Variants in PLEKHG1 observed in about 807,000 individuals in gnomAD.
PLEKHG1 encodes the protein pleckstrin homology domain-containing family G member 1.
Under a neutral mutation model 100.8 loss-of-function variants are expected in PLEKHG1, and 44 were observed. That is an observed-to-expected ratio of 0.44 (90% CI 0.34 to 0.56). The LOEUF (loss-of-function observed/expected upper bound fraction) is 0.56, where lower values mean the gene tolerates loss of function less well. Ranked by LOEUF, PLEKHG1 falls within the 20% of genes least tolerant of loss-of-function variation. PLEKHG1 has a pLI of 0.01. For synonymous variants in PLEKHG1, 640 were observed against 662.5 expected, an observed-to-expected ratio of 0.97 and a Z score of 0.52; for missense variants, 1,545 against 1,720.9, an observed-to-expected ratio of 0.90 and a Z score of 1.81.
chr6:150,662,352 TC>T (rs1225312965), intron 3 of PLEKHG1: 1 of 152,246 alleles, frequency 6.6e-6, no homozygotes, highest in Non-Finnish European at 1.5e-5. Flanking sequence ...GAACAGATTT[TC>T]CTGTAGAAAT....
At chr6:150,835,782 G>C (rs1050385649) in intron 15 of PLEKHG1, among the ~76,000 whole-genome samples, 3 of 152,134 alleles carry the variant, frequency 2.0e-5, no homozygotes, top group Non-Finnish European at 4.4e-5. Context: ...GACTCTCTTA[G>C]AAGGTCAAGC....
intron 3 of PLEKHG1, among the ~76,000 whole-genome samples, chr6:150,701,192 C>T (rs766487141): frequency 4.0e-5 from 6 of 150,028 alleles, no homozygotes; most frequent in East Asian, 2.0e-4. Context: ...TGGTGGTGGG[C>T]GCCAATAATC....
At chr6:150,840,611 G>T (rs1363209824) in exon 16 of PLEKHG1, 6 of 1,614,238 alleles carry the variant, frequency 3.7e-6, no homozygotes, top group Non-Finnish European at 5.1e-6. Flanking sequence ...ATGAGTCGGA[G>T]TTGGAGCTAT....
At chr6:150,748,404 A>G (rs1456317823) in intron 2 of PLEKHG1, among the ~76,000 whole-genome samples, 7 of 145,270 alleles carry the variant, frequency 4.8e-5, no homozygotes, top group African/African-American at 1.9e-4. Context: ...AAGAGTAAGG[A>G]GTGTTTTATT....
At chr6:150,715,497 T>A (rs548157516) in intron 3 of PLEKHG1, among the ~76,000 whole-genome samples, 4 of 150,652 alleles carry the variant, frequency 2.7e-5, no homozygotes, top group African/African-American at 9.7e-5. Context: ...TTTCTTTTTT[T>A]TTTTTTTTGA....
At chr6:150,676,852 G>A (rs1779772052) in intron 3 of PLEKHG1, among the ~76,000 whole-genome samples, 1 of 152,006 alleles carries the variant, frequency 6.6e-6, no homozygotes, top group African/African-American at 2.4e-5. Context: ...GCATACCCTG[G>A]GAGTGAATGG....
At chr6:150,613,534 T>C (rs1278424127) in intron 1 of PLEKHG1, among the ~76,000 whole-genome samples, 2 of 152,214 alleles carry the variant, frequency 1.3e-5, no homozygotes, top group African/African-American at 4.8e-5. Context: ...GATTCTGTGA[T>C]ACCAAGTTCT....
At chr6:150,815,571 G>A (rs1399897013) in intron 10 of PLEKHG1, among the ~76,000 whole-genome samples, 1 of 152,158 alleles carries the variant, frequency 6.6e-6, no homozygotes, top group Non-Finnish European at 1.5e-5. Context: ...ATTTGTGTTT[G>A]CAAGTAATTT....
chr6:150,703,666 A>AT (rs201445356), intron 3 of PLEKHG1, among the ~76,000 whole-genome samples: 6,406 of 152,140 alleles, frequency 0.042, 441 homozygotes, highest in African/African-American at 0.15. Context: ...ATTAAAAAAA[A>AT]TCAGTCTAGA....
At chr6:150,745,694 A>G (rs1209308268) in intron 2 of PLEKHG1, among the ~76,000 whole-genome samples, 1 of 152,014 alleles carries the variant, frequency 6.6e-6, no homozygotes, top group African/African-American at 2.4e-5. Context: ...AAAAAAAAAA[A>G]AAAGCAAAAT....
At chr6:150,634,356 C>CT (rs1415443208) in intron 1 of PLEKHG1, among the ~76,000 whole-genome samples, 2 of 151,620 alleles carry the variant, frequency 1.3e-5, no homozygotes. Flanking sequence ...AATATGTGGC[C>CT]TAGGGTAGGC....
chr6:150,692,237 AT>A (rs1415083376), intron 3 of PLEKHG1, among the ~76,000 whole-genome samples: 2 of 152,216 alleles, frequency 1.3e-5, no homozygotes, highest in African/African-American at 4.8e-5. Flanking sequence ...AAATTAACCC[AT>A]TTTATAAATA....
intron 3 of PLEKHG1, among the ~76,000 whole-genome samples, chr6:150,678,188 G>A (rs1236271481): frequency 1.4e-5 from 2 of 147,980 alleles, no homozygotes; most frequent in African/African-American, 5.0e-5. Flanking sequence ...TCTACAATAC[G>A]TTACCATTAA....
At chr6:150,610,109 C>T (rs1776759224) in intron 1 of PLEKHG1, among the ~76,000 whole-genome samples, 1 of 151,930 alleles carries the variant, frequency 6.6e-6, no homozygotes, top group Non-Finnish European at 1.5e-5. Flanking sequence ...TCCTTCTTTC[C>T]TTCTTTCTTT....
exon 2 of PLEKHG1, chr6:150,734,020 T>C (rs1782433898): frequency 6.2e-7 from 1 of 1,614,146 alleles, no homozygotes. Context: ...AGCTCCTCTA[T>C]GTGGATAGAG....
rs189779314 is a variant in PLEKHG1, at chr6:150,732,025, G to T, written c.-98-1559G>T. Among the ~76,000 whole-genome samples, 1,244 of 148,688 alleles carry T rather than the reference G, an allele frequency of 8.4e-3. 24 individuals carry two copies. The highest frequency in any genetic ancestry group is 0.029 in the African/African-American group (1,184 of 40,596). On this transcript the variant is annotated intron_variant, in intron 1 of 15. Transcript: ENST00000358517. ...CGCCCAGTCTGGAGTGCAGTGGCGC[G>T]ATCTCGGCTCACTGCAAGCTCCGCC...
exon 16 of PLEKHG1, chr6:150,840,240 C>G: frequency 6.2e-7 from 1 of 1,614,146 alleles, no homozygotes; most frequent in South Asian, 1.1e-5. Context: ...CTCCTTGGGT[C>G]GGAAAGGGAT....
intron 2 of PLEKHG1, among the ~76,000 whole-genome samples, chr6:150,641,348 A>G (rs1301333990): frequency 2.0e-5 from 3 of 152,218 alleles, no homozygotes; most frequent in African/African-American, 7.2e-5. Flanking sequence ...TGATCTGTGA[A>G]GTTCAGACTC....
At chr6:150,641,590 A>G (rs1161277346) in intron 2 of PLEKHG1, among the ~76,000 whole-genome samples, 1 of 152,214 alleles carries the variant, frequency 6.6e-6, no homozygotes, top group Non-Finnish European at 1.5e-5. Context: ...TTTAGAAGTA[A>G]AAATGGTCCA....
Sources: allele counts gnomAD v4.1 joint callset (sites outside exome capture counted in the v4.1 genomes callset), GRCh38; gene constraint gnomAD v4.1.1; transcripts MANE v1.5; gene names NCBI Gene and HGNC (gene_info 2026-07-23, HGNC 2026-07-21).